The following PDE3A variants were observed in gnomAD, a reference collection of about 807,000 sequenced individuals.
PDE3A encodes phosphodiesterase 3A.
PDE3A carries 43 observed loss-of-function variants against 98.3 expected under a neutral mutation model. The ratio of observed to expected loss-of-function variants is 0.44; its 90% CI spans 0.34 to 0.56. PDE3A has a LOEUF of 0.56. Among genes scored for constraint, PDE3A ranks in the 20% least tolerant of loss-of-function variants. The pLI is 0.01. For missense variants in PDE3A, 1,427 were observed against 1,440.7 expected (o/e 0.99, Z 0.15); for synonymous variants, 663 against 567.9 (o/e 1.17, Z -2.38).
At position 20,675,038 on chromosome 12, in the gene PDE3A, T is replaced by A. The variant is rs190077708; in HGVS notation, c.3185-4992T>A. Among the ~76,000 whole-genome samples, 336 of 152,196 alleles carry A rather than the reference T, an allele frequency of 2.2e-3. 2 individuals carry two copies. The highest frequency in any genetic ancestry group is 7.6e-3 in the African/African-American group (315 of 41,572). On this transcript the variant is annotated intron_variant, in intron 15 of 15. Transcript: ENST00000359062. Reference sequence around the variant, plus strand: ...TTGAGGTGCATTATTAGGTTGCTTATTTGAAACATTTTTAGTTTTTTGTTG... The same window carrying A: ...TTGAGGTGCATTATTAGGTTGCTTAATTGAAACATTTTTAGTTTTTTGTTG...
chr12:20,668,577 C>A (rs1945385381), intron 15 of PDE3A, among the ~76,000 whole-genome samples: 1 of 152,184 alleles, frequency 6.6e-6, no homozygotes, highest in Non-Finnish European at 1.5e-5. Flanking sequence ...AGGCACCCCC[C>A]AGTAGAGGAA....
chr12:20,543,759 C>T (rs1295701118), intron 1 of PDE3A, among the ~76,000 whole-genome samples: 1 of 151,944 alleles, frequency 6.6e-6, no homozygotes, highest in Non-Finnish European at 1.5e-5. Context: ...TAGATTGCAA[C>T]AATGCCTAAG....
intron 1 of PDE3A, among the ~76,000 whole-genome samples, chr12:20,465,585 G>T (rs1159927363): frequency 6.6e-6 from 1 of 151,718 alleles, no homozygotes; most frequent in Admixed American, 6.6e-5. Flanking sequence ...AATTTCTTGT[G>T]TGTTTAGTAG....
chr12:20,634,999 G>A lies in PDE3A; in HGVS notation c.1944G>A (p.Glu648=), dbSNP rs374944712. 6.2e-7 allele frequency: 1 copy of A among 1,612,844 alleles called. No homozygotes were observed. The highest frequency in any genetic ancestry group is 8.5e-7 in the Non-Finnish European group (1 of 1,178,862). ...AAGATGAAACAGAGTGCCTGAGAGA[G>A]CCTCTGAGGAAAGCATCGGCTTGCA... ...QNEDETECLR[E]PLRKASACST... The change falls in exon 8 of 16, where the codon GAG becomes GAA. Residue 648 remains glutamate (E), a synonymous_variant. Coordinates refer to ENST00000359062, the MANE Select transcript of PDE3A (RefSeq NM_000921.5).
chr12:20,589,664 C>A (rs113693971), intron 2 of PDE3A, among the ~76,000 whole-genome samples: 2 of 151,592 alleles, frequency 1.3e-5, no homozygotes, highest in Non-Finnish European at 2.9e-5. Context: ...GTCAGGAGAT[C>A]GAGACCATCC....
At chr12:20,588,634 CAA>C (rs1943245360) in intron 2 of PDE3A, among the ~76,000 whole-genome samples, 2 of 400 alleles carry the variant, frequency 5.0e-3, no homozygotes, top group Non-Finnish European at 0.011. Flanking sequence ...GAGCATACTA[CAA>C]ACAAACAGCT....
chr12:20,551,653 A>T (rs1217896190), intron 1 of PDE3A: 2 of 1,596,880 alleles, frequency 1.3e-6, no homozygotes, highest in Non-Finnish European at 1.7e-6. Flanking sequence ...GGCCTTCCAC[A>T]TCTACTGCCT....
chr12:20,685,211 G>A lies in PDE3A; in HGVS notation c.*4940G>A, dbSNP rs983243638. Among the ~76,000 whole-genome samples, 2 of 151,862 alleles carry A rather than the reference G, an allele frequency of 1.3e-5. No individual in the cohort carries two copies. Among genetic ancestry groups the A allele is most frequent in the African/African-American group, 2.4e-5 (1 of 41,352 alleles). ...GTGGATCACCTGAGGTCGGGAGTTC[G>A]ACACCAGCCTGACCAACACGGAGAA... On this transcript the variant is annotated 3_prime_UTR_variant, in exon 16 of 16. Transcript: ENST00000359062.
intron 10 of PDE3A, among the ~76,000 whole-genome samples, chr12:20,643,065 G>A (rs964361068): frequency 5.3e-5 from 8 of 152,094 alleles, no homozygotes; most frequent in Admixed American, 2.6e-4. Flanking sequence ...GGAGATGGGC[G>A]GACTCTGGGA....
At chr12:20,643,445 G>A (rs912657599) in intron 10 of PDE3A, among the ~76,000 whole-genome samples, 2 of 152,110 alleles carry the variant, frequency 1.3e-5, no homozygotes, top group Admixed American at 6.5e-5. Flanking sequence ...CCAGCACTTG[G>A]CATAATACTG....
chr12:20,605,391 T>C (rs2121423130), intron 2 of PDE3A, among the ~76,000 whole-genome samples: 1 of 152,330 alleles, frequency 6.6e-6, no homozygotes, highest in East Asian at 1.9e-4. Flanking sequence ...AGATTAGCAA[T>C]TAATACAATA....
In PDE3A at chr12:20,404,782, C is replaced by T. The variant is rs115687737; in HGVS notation, c.960+34538C>T. 2.7e-3 allele frequency among the ~76,000 whole-genome samples: 396 copies of T among 149,078 alleles called. 2 individuals carry two copies. Among genetic ancestry groups the T allele is most frequent in the African/African-American group, 8.8e-3 (357 of 40,694 alleles). ...TTCATATTCCTTGAGCTATTGGCCA[C>T]GTGCCAGGGACCATTGCCATTCCAC... On this transcript the variant is annotated intron_variant, in intron 1 of 15. Transcript: ENST00000359062.
chr12:20,522,717 G>A (rs1444376618), intron 1 of PDE3A, among the ~76,000 whole-genome samples: 2 of 152,120 alleles, frequency 1.3e-5, no homozygotes, highest in Non-Finnish European at 2.9e-5. Flanking sequence ...GAAATGTGAT[G>A]TGAGAGGGCA....
At chr12:20,454,642 A>G (rs192624714) in intron 1 of PDE3A, among the ~76,000 whole-genome samples, 1 of 152,206 alleles carries the variant, frequency 6.6e-6, no homozygotes, top group Non-Finnish European at 1.5e-5. Flanking sequence ...CCAGCCTCCA[A>G]TAGACCCTAA....
At chr12:20,467,661 G>A (rs555460865) in intron 1 of PDE3A, among the ~76,000 whole-genome samples, 27 of 152,008 alleles carry the variant, frequency 1.8e-4, no homozygotes, top group African/African-American at 6.3e-4. Flanking sequence ...AATGGGCCGG[G>A]CACGGTGGCT....
Position 20,633,765 on chromosome 12 carries a change from A to G in PDE3A, c.1833A>G (p.Thr611=). Residue 611 remains threonine (T), a synonymous_variant, in exon 7 of 16, where the codon ACA becomes ACG. Coordinates refer to ENST00000359062, the MANE Select transcript of PDE3A (RefSeq NM_000921.5). ...AGAGAAGTGGGGTAGCCACTCGGAC[A>G]CCAAGTAGAACAGGTAATTCATTGT... ...PLERSGVATR[T]PSRTDDTAQV... 6.3e-7 allele frequency: 1 copy of G among 1,588,822 alleles called. No individual in the cohort carries two copies. Among genetic ancestry groups the G allele is most frequent in the Non-Finnish European group, 8.6e-7 (1 of 1,161,136 alleles).
intron 1 of PDE3A, among the ~76,000 whole-genome samples, chr12:20,397,317 G>A (rs921321181): frequency 2.0e-5 from 3 of 151,912 alleles, no homozygotes; most frequent in Admixed American, 6.6e-5. Context: ...TTGTGCATAT[G>A]AGTGCTAGAC....
chr12:20,672,448 ATAC>A (rs1945508525), intron 15 of PDE3A, among the ~76,000 whole-genome samples: 1 of 150,112 alleles, frequency 6.7e-6, no homozygotes, highest in African/African-American at 2.5e-5. Flanking sequence ...ACTTCAAACT[ATAC>A]TACAAGGCTA....
At chr12:20,523,357 A>G (rs776159502) in intron 1 of PDE3A, among the ~76,000 whole-genome samples, 56 of 152,274 alleles carry the variant, frequency 3.7e-4, no homozygotes, top group Non-Finnish European at 5.9e-4. Flanking sequence ...TAAAACTTAG[A>G]GAATATGCAG....
Sources: allele counts gnomAD v4.1 joint callset (sites outside exome capture counted in the v4.1 genomes callset), GRCh38; gene constraint gnomAD v4.1.1; transcripts MANE v1.5; gene names NCBI Gene and HGNC (gene_info 2026-07-23, HGNC 2026-07-21).